The following RGS7BP variants were observed in gnomAD, a reference collection of about 807,000 sequenced individuals.
The protein encoded by RGS7BP is regulator of G protein signaling 7-binding protein.
RGS7BP carries 9 observed loss-of-function variants against 31.3 expected under a neutral mutation model. The ratio of observed to expected loss-of-function variants is 0.29; its 90% confidence interval spans 0.17 to 0.50. The LOEUF is 0.50. Ranked by LOEUF, RGS7BP falls within the 20% of genes least tolerant of loss-of-function variation. The pLI is 0.98. For missense variants in RGS7BP, 274 were observed against 322.0 expected (o/e 0.85, Z 1.14); for synonymous variants, 115 against 120.1 (o/e 0.96, Z 0.28).
At chr5:64,518,376 G>C (rs1016492201) in intron 2 of RGS7BP, among the ~76,000 whole-genome samples, 4 of 151,476 alleles carry the variant, frequency 2.6e-5, no homozygotes, top group African/African-American at 9.7e-5. Context: ...GCGGGGGTGG[G>C]GCTGGTGACT....
At chr5:64,536,456 C>T (rs1741361711) in intron 2 of RGS7BP, among the ~76,000 whole-genome samples, 1 of 152,134 alleles carries the variant, frequency 6.6e-6, no homozygotes, top group South Asian at 2.1e-4. Context: ...ATAAAAAATC[C>T]AAATACCTTT....
At chr5:64,538,505 CTTT>C (rs1209747313) in intron 2 of RGS7BP, among the ~76,000 whole-genome samples, 2 of 37,970 alleles carry the variant, frequency 5.3e-5, no homozygotes, top group Non-Finnish European at 1.1e-4. Flanking sequence ...CTTTTCTTTT[CTTT>C]TTTTTTTTCC....
chr5:64,560,466 G>A (rs531366587), intron 2 of RGS7BP, among the ~76,000 whole-genome samples: 54 of 151,726 alleles, frequency 3.6e-4, no homozygotes, highest in Admixed American at 2.3e-3. Context: ...AGAAAATATC[G>A]TAACTTTCTT....
At chr5:64,512,037 A>C (rs2111875743) in intron 2 of RGS7BP, among the ~76,000 whole-genome samples, 1 of 152,306 alleles carries the variant, frequency 6.6e-6, no homozygotes, top group African/African-American at 2.4e-5. Context: ...AGATGAGCAC[A>C]GCATACAAGG....
At position 64,528,709 on chromosome 5, in the gene RGS7BP, G is replaced by A. The variant is rs528681435; in HGVS notation, c.332+20832G>A. On this transcript the variant is annotated intron_variant, in intron 2 of 5. Transcript: ENST00000334025. The stretch of plus-strand genomic sequence containing the variant: ...GCCTGTAATCCCAGCTACTCAGGAG[G>A]CTGCGGCAGGAGAATCGCTTGAACC... Among the ~76,000 whole-genome samples the A allele has an allele frequency of 1.5e-4, 22 of 151,622 alleles. No individual in the cohort carries two copies. The South Asian group carries it at 4.6e-3, about 32-fold the overall frequency.
intron 2 of RGS7BP, among the ~76,000 whole-genome samples, chr5:64,562,556 G>T (rs1742079334): frequency 6.6e-6 from 1 of 152,102 alleles, no homozygotes; most frequent in Non-Finnish European, 1.5e-5. Context: ...AGGCTAGAAG[G>T]TGGCCTTCAT....
At chr5:64,582,811 C>T (rs1309446055) in intron 3 of RGS7BP, among the ~76,000 whole-genome samples, 1 of 152,116 alleles carries the variant, frequency 6.6e-6, no homozygotes, top group Admixed American at 6.5e-5. Flanking sequence ...GTAAAAACTC[C>T]AGTGTATTCA....
At chr5:64,526,145 A>G (rs1189109759) in intron 2 of RGS7BP, among the ~76,000 whole-genome samples, 1 of 152,228 alleles carries the variant, frequency 6.6e-6, no homozygotes, top group Non-Finnish European at 1.5e-5. Flanking sequence ...CAGATCTCAA[A>G]TCCATTCCTT....
intron 3 of RGS7BP, among the ~76,000 whole-genome samples, chr5:64,593,114 CAT>C (rs1355388828): frequency 2.0e-5 from 3 of 152,172 alleles, no homozygotes; most frequent in African/African-American, 4.8e-5. Context: ...GATCAATGCA[CAT>C]AAAGTACACA....
intron 2 of RGS7BP, among the ~76,000 whole-genome samples, chr5:64,512,712 T>C (rs906671795): frequency 3.9e-5 from 6 of 152,220 alleles, no homozygotes; most frequent in Non-Finnish European, 8.8e-5. Flanking sequence ...AATAAATACT[T>C]TGGCTGGAAT....
At chr5:64,594,941 G>A (rs1289119395) in intron 4 of RGS7BP, 84 bp downstream of exon 4, 24 of 1,426,316 alleles carry the variant, frequency 1.7e-5, no homozygotes, top group Non-Finnish European at 2.3e-5. Context: ...AGGTTTTCTA[G>A]TTCAGATTCA....
At chr5:64,605,595 C>A (rs1743331661) in intron 5 of RGS7BP, among the ~76,000 whole-genome samples, 1 of 152,124 alleles carries the variant, frequency 6.6e-6, no homozygotes, top group African/African-American at 2.4e-5. Context: ...CTGCAGGTGT[C>A]AGCTCCCTAT....
chr5:64,572,096 G>C (rs1742313550), intron 2 of RGS7BP, among the ~76,000 whole-genome samples: 1 of 152,070 alleles, frequency 6.6e-6, no homozygotes, highest in African/African-American at 2.4e-5. Flanking sequence ...CTAAACATAA[G>C]TAACATGTGG....
rs138916337 is a variant in RGS7BP at position 64,594,741 on chromosome 5, G to C, written c.495G>C (p.Leu165Phe). The C allele has an allele frequency of 1.7e-5, 28 of 1,613,712 alleles. No individual in the cohort carries two copies. In the East Asian group the frequency reaches 6.2e-4, roughly 36 times the overall value. The change falls in exon 4 of 6, where the codon TTG becomes TTC. Residue 165 changes from leucine to phenylalanine, a missense_variant. Physicochemically the swap from Leu to Phe is conservative, Grantham distance 22. Transcript: ENST00000334025. ...AACCTGGCGGGGGAACCAAGAGTTT[G>C]GATTGCAAAATTGAGGAGAGTGCTG... ...GKEPGGGTKSLDCKIEESAET... is the reference protein window; with the variant it reads ...GKEPGGGTKSFDCKIEESAET...
At chr5:64,586,885 G>A (rs551058276) in intron 3 of RGS7BP, among the ~76,000 whole-genome samples, 1 of 137,140 alleles carries the variant, frequency 7.3e-6, no homozygotes, top group South Asian at 2.4e-4. Flanking sequence ...TGAAATAATG[G>A]AAAAACATGT....
At chr5:64,603,378 G>A (rs536203495) in intron 5 of RGS7BP, among the ~76,000 whole-genome samples, 2 of 152,280 alleles carry the variant, frequency 1.3e-5, no homozygotes, top group South Asian at 4.1e-4. Flanking sequence ...GAACTTTCTG[G>A]AGCAGTGCTC....
intron 3 of RGS7BP, among the ~76,000 whole-genome samples, chr5:64,590,862 A>G (rs1346690357): frequency 6.6e-6 from 1 of 152,136 alleles, no homozygotes; most frequent in African/African-American, 2.4e-5. Context: ...GAAAGAGCAA[A>G]GTCAACAGAA....
intron 3 of RGS7BP, among the ~76,000 whole-genome samples, chr5:64,584,541 C>G (rs1475835568): frequency 6.6e-6 from 1 of 152,180 alleles, no homozygotes; most frequent in African/African-American, 2.4e-5. Flanking sequence ...AGGGAGCACT[C>G]AGAGCCCCAT....
chr5:64,599,722 T>C (rs1206547849), intron 5 of RGS7BP, among the ~76,000 whole-genome samples: 1 of 152,208 alleles, frequency 6.6e-6, no homozygotes, highest in African/African-American at 2.4e-5. Flanking sequence ...TTGCCAGAAA[T>C]AAGCACAGTG....
Sources: gnomAD v4.1 joint callset for allele counts (sites outside exome capture counted in the v4.1 genomes callset) on GRCh38, gnomAD v4.1.1 for gene constraint, MANE v1.5 for transcripts, NCBI Gene and HGNC (gene_info 2026-07-23, HGNC 2026-07-21) for gene names.